The following SRRM4 variants were observed in gnomAD, a reference collection of about 807,000 sequenced individuals.
SRRM4 encodes the protein serine/arginine repetitive matrix 4.
A neutral mutation model predicts 68.9 loss-of-function variants in SRRM4; 33 were observed. The ratio of observed to expected loss-of-function variants is 0.48; its 90% CI spans 0.36 to 0.64. The LOEUF (loss-of-function observed/expected upper bound fraction) is 0.64. SRRM4 is among the 30% of genes least tolerant of loss of function. The pLI, the probability that SRRM4 is intolerant of heterozygous loss-of-function variation, is 0.00. For synonymous variants in SRRM4, 318 were observed against 318.8 expected (o/e 1.00, Z 0.03); for missense variants, 817 against 827.1 (o/e 0.99, Z 0.15).
chr12:119,094,596 A>G (rs1954031912), intron 1 of SRRM4, among the ~76,000 whole-genome samples: 1 of 152,050 alleles, frequency 6.6e-6, no homozygotes, highest in Admixed American at 6.5e-5. Flanking sequence ...TTGGTGCTGG[A>G]CCTTTGCACT....
At chr12:119,089,115 G>T (rs549525022) in intron 1 of SRRM4, among the ~76,000 whole-genome samples, 1 of 152,222 alleles carries the variant, frequency 6.6e-6, no homozygotes, top group South Asian at 2.1e-4. Context: ...GAGAAGCCAT[G>T]CAGTTTAAAG....
At chr12:119,030,045 T>G (rs1468996565) in intron 1 of SRRM4, among the ~76,000 whole-genome samples, 1 of 152,236 alleles carries the variant, frequency 6.6e-6, no homozygotes, top group Non-Finnish European at 1.5e-5. Flanking sequence ...TTCAGCTTTC[T>G]AATAGGGTTA....
intron 1 of SRRM4, among the ~76,000 whole-genome samples, chr12:119,007,286 T>G (rs975491783): frequency 6.6e-6 from 1 of 152,238 alleles, no homozygotes; most frequent in African/African-American, 2.4e-5. Context: ...TCATCACTTG[T>G]ATTAATACCA....
chr12:119,127,125 G>A (rs1265648582), intron 7 of SRRM4, among the ~76,000 whole-genome samples: 3 of 149,126 alleles, frequency 2.0e-5, no homozygotes, highest in East Asian at 2.0e-4. Context: ...TGAGTTAGTG[G>A]GTGCAGCACA....
chr12:119,039,917 C>T (rs753697353), intron 1 of SRRM4, among the ~76,000 whole-genome samples: 2 of 152,128 alleles, frequency 1.3e-5, no homozygotes, highest in African/African-American at 4.8e-5. Flanking sequence ...GTGAAGCACA[C>T]GCACTGCCCC....
intron 1 of SRRM4, among the ~76,000 whole-genome samples, chr12:119,092,783 T>C (rs1954021684): frequency 6.6e-6 from 1 of 151,974 alleles, no homozygotes; most frequent in Admixed American, 6.6e-5. Flanking sequence ...AGTCAGAACA[T>C]ATCTATCCAA....
intron 1 of SRRM4, among the ~76,000 whole-genome samples, chr12:119,084,235 G>A (rs1192094507): frequency 6.6e-6 from 1 of 152,112 alleles, no homozygotes; most frequent in Non-Finnish European, 1.5e-5. Context: ...AAGAGAGCAG[G>A]GGAAGAGAAC....
chr12:119,144,500 G>A (rs908389280), intron 8 of SRRM4: 2 of 152,104 alleles, frequency 1.3e-5, no homozygotes, highest in Admixed American at 6.5e-5. Flanking sequence ...CACGTTGCCC[G>A]CTCTTCCCTT....
At chr12:119,072,733 G>T (rs1953885616) in intron 1 of SRRM4, among the ~76,000 whole-genome samples, 2 of 152,088 alleles carry the variant, frequency 1.3e-5, no homozygotes, top group South Asian at 4.2e-4. Context: ...CTCCAAATAG[G>T]AACAACTTCT....
intron 1 of SRRM4, among the ~76,000 whole-genome samples, chr12:119,002,521 T>C (rs1953391251): frequency 6.6e-6 from 1 of 152,186 alleles, no homozygotes; most frequent in South Asian, 2.1e-4. Flanking sequence ...TGGGGTCTGG[T>C]TGGACATTTG....
At chr12:119,111,976 A>G (rs1006174024) in intron 2 of SRRM4, among the ~76,000 whole-genome samples, 3 of 151,856 alleles carry the variant, frequency 2.0e-5, no homozygotes, top group Admixed American at 6.6e-5. Context: ...AACCCAGGAG[A>G]TGGAGGTTGC....
At chr12:119,123,714 G>C (rs2136053993) in intron 6 of SRRM4, among the ~76,000 whole-genome samples, 1 of 152,354 alleles carries the variant, frequency 6.6e-6, no homozygotes, top group East Asian at 1.9e-4. Flanking sequence ...TTCTTACCAA[G>C]TCTACGGTCA....
At chr12:119,014,484 C>A (rs1953469295) in intron 1 of SRRM4, among the ~76,000 whole-genome samples, 1 of 152,042 alleles carries the variant, frequency 6.6e-6, no homozygotes, top group Admixed American at 6.6e-5. Context: ...TCCTGCTGGA[C>A]CTGGGTTCAA....
chr12:119,015,404 T>G (rs933637819), intron 1 of SRRM4, among the ~76,000 whole-genome samples: 1 of 152,156 alleles, frequency 6.6e-6, no homozygotes, highest in Non-Finnish European at 1.5e-5. Context: ...ATAGCTACAG[T>G]GATCAATTAT....
intron 1 of SRRM4, among the ~76,000 whole-genome samples, chr12:119,082,309 G>A (rs1421921946): frequency 4.0e-5 from 6 of 151,802 alleles, no homozygotes; most frequent in Non-Finnish European, 5.9e-5. Flanking sequence ...CCCCATCCCC[G>A]CCTCCACCAC....
intron 7 of SRRM4, among the ~76,000 whole-genome samples, chr12:119,127,706 T>C (rs1460240878): frequency 1.4e-5 from 2 of 139,982 alleles, no homozygotes; most frequent in Non-Finnish European, 3.0e-5. Context: ...CCAGCCTGGG[T>C]GACAAAAGTG....
intron 1 of SRRM4, among the ~76,000 whole-genome samples, chr12:119,066,640 A>G (rs1211272999): frequency 6.6e-6 from 1 of 152,188 alleles, no homozygotes; most frequent in East Asian, 1.9e-4. Flanking sequence ...CTAGTCTAGA[A>G]ATGTTGCTTC....
intron 8 of SRRM4, 91 bp downstream of exon 8, chr12:119,130,925 T>TC: frequency 7.9e-7 from 1 of 1,269,710 alleles, no homozygotes; most frequent in South Asian, 1.6e-5. Flanking sequence ...ATGGTACACT[T>TC]TAATTCAATT....
intron 9 of SRRM4, 75 bp from the exon 10 acceptor site, chr12:119,150,942 G>T: frequency 7.1e-7 from 1 of 1,407,820 alleles, no homozygotes; most frequent in Admixed American, 1.9e-5. Context: ...CCTAGGCCAA[G>T]GTAGGGAGGT....
Sources: gnomAD v4.1 joint callset for allele counts (sites outside exome capture counted in the v4.1 genomes callset) on GRCh38, gnomAD v4.1.1 for gene constraint, MANE v1.5 for transcripts, NCBI Gene and HGNC (gene_info 2026-07-23, HGNC 2026-07-21) for gene names.